Variants in BLTP3A observed in about 807,000 individuals in gnomAD.
BLTP3A encodes the protein ICBP90 binding protein 1.
the BLTP3A span, chr6:34,855,782 G>A: frequency 4.3e-5 from 69 of 1,592,710 alleles, no homozygotes; most frequent in Admixed American, 5.8e-4. Context: ...ATCCCTGACC[G>A]CTTAACAGGA....
At chr6:34,793,773 C>T in the BLTP3A span, among the ~76,000 whole-genome samples, 2 of 151,938 alleles carry the variant, frequency 1.3e-5, no homozygotes, top group Admixed American at 6.6e-5. Flanking sequence ...GATAACTTAA[C>T]CAGAGGAGAA....
chr6:34,806,520 A>C, the BLTP3A span, among the ~76,000 whole-genome samples: 2 of 152,298 alleles, frequency 1.3e-5, no homozygotes, highest in African/African-American at 4.8e-5. Context: ...ATGTTGGTCA[A>C]AGTTAGGGTC....
At chr6:34,850,886 C>T in the BLTP3A span, among the ~76,000 whole-genome samples, 2 of 151,988 alleles carry the variant, frequency 1.3e-5, no homozygotes, top group Non-Finnish European at 2.9e-5. Context: ...TTTGTAAAGA[C>T]GGGGTCTCAC....
At chr6:34,875,739 C>A in the BLTP3A span, 1 of 152,158 alleles carries the variant, frequency 6.6e-6, no homozygotes, top group Non-Finnish European at 1.5e-5. Context: ...GGATATTATC[C>A]CATGGGATTT....
At chr6:34,803,832 T>G in the BLTP3A span, among the ~76,000 whole-genome samples, 12 of 152,236 alleles carry the variant, frequency 7.9e-5, no homozygotes, top group African/African-American at 2.6e-4. Flanking sequence ...TAATCCAAGC[T>G]GACTGCTTCT....
At chr6:34,823,755 G>A in the BLTP3A span, among the ~76,000 whole-genome samples, 753 of 151,250 alleles carry the variant, frequency 5.0e-3, 2 homozygotes, top group Middle Eastern at 0.01. Flanking sequence ...GGCTGGTCTT[G>A]AACTCCTGGC....
chr6:34,792,139 G>GGCGGCGGCGGCGGCGGCGGCT, the BLTP3A span: 1 of 959,678 alleles, frequency 1.0e-6, no homozygotes, highest in Non-Finnish European at 1.4e-6. Flanking sequence ...CGGCGGCGGC[G>GGCGGCGGCGGCGGCGGCGGCT]GCTGTGTCCG....
the BLTP3A span, among the ~76,000 whole-genome samples, chr6:34,829,027 C>CAA: frequency 0.012 from 632 of 50,694 alleles, 99 homozygotes; most frequent in African/African-American, 0.05. Flanking sequence ...AACTCCATCT[C>CAA]AAAAAAAAAA....
chr6:34,831,907 C>A, the BLTP3A span, among the ~76,000 whole-genome samples: 1 of 151,918 alleles, frequency 6.6e-6, no homozygotes, highest in Non-Finnish European at 1.5e-5. Context: ...CTCTGCCTCC[C>A]AGGTTCAAGC....
At chr6:34,814,309 C>T in the BLTP3A span, among the ~76,000 whole-genome samples, 3 of 152,330 alleles carry the variant, frequency 2.0e-5, no homozygotes, top group South Asian at 2.1e-4. Context: ...AGCCACTGTG[C>T]CCGACCATCT....
chr6:34,805,169 C>CA, the BLTP3A span, among the ~76,000 whole-genome samples: 1 of 152,088 alleles, frequency 6.6e-6, no homozygotes, highest in East Asian at 1.9e-4. Context: ...TGGCACACAC[C>CA]TGTAGTCCCA....
the BLTP3A span, chr6:34,858,412 A>G: frequency 6.2e-7 from 1 of 1,614,134 alleles, no homozygotes; most frequent in Non-Finnish European, 8.5e-7. Flanking sequence ...CCCTCCCCAG[A>G]GACCTAAGGC....
chr6:34,804,384 AATG>A, the BLTP3A span, among the ~76,000 whole-genome samples: 1 of 152,184 alleles, frequency 6.6e-6, no homozygotes, highest in Admixed American at 6.5e-5. Context: ...CTCAAAGACA[AATG>A]AGACAAGGTT....
chr6:34,840,523 G>A, the BLTP3A span, among the ~76,000 whole-genome samples: 13 of 151,156 alleles, frequency 8.6e-5, no homozygotes, highest in African/African-American at 1.7e-4. Flanking sequence ...CCAAGATTGC[G>A]CCATTGCACT....
chr6:34,810,401 A>T, the BLTP3A span, among the ~76,000 whole-genome samples: 1 of 152,224 alleles, frequency 6.6e-6, no homozygotes, highest in African/African-American at 2.4e-5. Flanking sequence ...TCCTCATAAC[A>T]CGTGAGCTTA....
chr6:34,847,921 C>CTTTCTT, the BLTP3A span, among the ~76,000 whole-genome samples: 3 of 91,174 alleles, frequency 3.3e-5, no homozygotes, highest in African/African-American at 5.2e-5. Flanking sequence ...TCTTTTTTTC[C>CTTTCTT]TTTTTTTTTT....
At chr6:34,845,050 C>T in the BLTP3A span, among the ~76,000 whole-genome samples, 6 of 152,290 alleles carry the variant, frequency 3.9e-5, no homozygotes, top group African/African-American at 1.4e-4. Flanking sequence ...AGATAGGGGT[C>T]TAGTTTCATT....
the BLTP3A span, among the ~76,000 whole-genome samples, chr6:34,830,177 A>T: frequency 6.6e-6 from 1 of 151,842 alleles, no homozygotes; most frequent in Non-Finnish European, 1.5e-5. Flanking sequence ...GGCTGGTCTC[A>T]TCCTGGTCTC....
chr6:34,856,425 C>T, the BLTP3A span: 1 of 1,611,158 alleles, frequency 6.2e-7, no homozygotes, highest in Non-Finnish European at 8.5e-7. Context: ...TTATGAGGAA[C>T]TGGAAGACTC....
Sources: gnomAD v4.1 joint callset for allele counts (sites outside exome capture counted in the v4.1 genomes callset) on GRCh38, gnomAD v4.1.1 for gene constraint, MANE v1.5 for transcripts, NCBI Gene and HGNC (gene_info 2026-07-23, HGNC 2026-07-21) for gene names.